Variants in MTMR12 observed in about 807,000 individuals in gnomAD.
MTMR12 encodes myotubularin-related protein 12.
Under a neutral mutation model 96.7 loss-of-function variants are expected in MTMR12, and 33 were observed. The observed-to-expected ratio is 0.34, with a 90% confidence interval of 0.26 to 0.46. The LOEUF is 0.46. MTMR12 is among the 20% of genes least tolerant of loss of function. MTMR12 has a pLI of 1.00. For missense variants in MTMR12, 721 were observed against 896.1 expected, an observed-to-expected ratio of 0.80 and a Z score of 2.49; for synonymous variants, 298 against 327.2, an observed-to-expected ratio of 0.91 and a Z score of 0.96.
At chr5:32,249,940 G>A (rs1158991164) in intron 8 of MTMR12, among the ~76,000 whole-genome samples, 2 of 152,222 alleles carry the variant, frequency 1.3e-5, no homozygotes, top group Non-Finnish European at 2.9e-5. Context: ...CCCTTGCTTT[G>A]CTGACCAAGC....
chr5:32,297,058 G>A (rs6872991), intron 1 of MTMR12, among the ~76,000 whole-genome samples: 15,214 of 145,310 alleles, frequency 0.1, 803 homozygotes, highest in South Asian at 0.14. Flanking sequence ...AGCCGAGATC[G>A]CGCCACTGCA....
At chr5:32,302,576 G>C (rs1372221485) in intron 1 of MTMR12, among the ~76,000 whole-genome samples, 1 of 152,094 alleles carries the variant, frequency 6.6e-6, no homozygotes, top group African/African-American at 2.4e-5. Context: ...AATTAGCCAG[G>C]CATGGTGGCA....
At chr5:32,243,364 C>T (rs547151370) in intron 11 of MTMR12, among the ~76,000 whole-genome samples, 157 bp downstream of exon 11, 7 of 152,202 alleles carry the variant, frequency 4.6e-5, no homozygotes, top group Non-Finnish European at 1.0e-4. Context: ...CAAATGTGCA[C>T]AGAAATAAGT....
chr5:32,249,546 G>C (rs538372409), intron 8 of MTMR12, among the ~76,000 whole-genome samples: 1 of 152,140 alleles, frequency 6.6e-6, no homozygotes, highest in African/African-American at 2.4e-5. Flanking sequence ...TCAGAGCTTC[G>C]TTTCAAAAGG....
rs1382287661 is a variant in MTMR12 at position 32,274,120 on chromosome 5, C to T, written c.145G>A (p.Glu49Lys). ...KEVTLHLLPG[E>K]QLLCEASTVL... is the part of the protein sequence containing the mutation. ...GTGCTGGCTTCACAAAGCAGCTGTT[C>T]ACCTGGTAGAAACCAAAACAGGTCC... The change falls in exon 3 of 16, where the codon GAA becomes AAA. Residue 49 changes from glutamate (E) to lysine (K), a missense_variant and splice_region_variant. Physicochemically the swap from Glu to Lys is moderately conservative, Grantham distance 56 (BLOSUM62 1). Coordinates refer to ENST00000382142, the MANE Select transcript of MTMR12 (RefSeq NM_001040446.3). The T allele has an allele frequency of 6.2e-7, 1 of 1,613,842 alleles. No homozygotes were observed. Among genetic ancestry groups the T allele is most frequent in the Non-Finnish European group, 8.5e-7 (1 of 1,179,960 alleles).
chr5:32,279,368 C>T (rs1750192081), intron 1 of MTMR12, among the ~76,000 whole-genome samples: 1 of 151,890 alleles, frequency 6.6e-6, no homozygotes. Flanking sequence ...TGCAGTGAGC[C>T]ATGACTGCAC....
rs372753281 is a variant in MTMR12, at chr5:32,230,120, G to A, written c.1902C>T (p.Pro634=). 3.8e-5 allele frequency: 62 copies of A among 1,612,254 alleles called. No individual in the cohort carries two copies. Among genetic ancestry groups the A allele is most frequent in the Non-Finnish European group, 5.2e-5 (61 of 1,178,766 alleles). The change falls in exon 16 of 16, where the codon CCC becomes CCT. Residue 634 remains proline (P), a synonymous_variant. Transcript: ENST00000382142. ...HGLLLPHIEG[P]EIKVWAQRYL... The stretch of plus-strand genomic sequence containing the variant: ...AGCGCTGGGCCCAGACTTTGATTTC[G>A]GGCCCCTCGATATGCGGTAACAACA...
chr5:32,308,599 C>G (rs1751446669), intron 1 of MTMR12, among the ~76,000 whole-genome samples: 1 of 151,844 alleles, frequency 6.6e-6, no homozygotes, highest in Non-Finnish European at 1.5e-5. Context: ...CCCTTCCTAC[C>G]TTTATCTTCT....
intron 1 of MTMR12, among the ~76,000 whole-genome samples, chr5:32,284,317 C>CAAAAAAA (rs57597487): frequency 2.1e-5 from 1 of 47,262 alleles, no homozygotes; most frequent in African/African-American, 7.3e-5. Flanking sequence ...GACCCTGTCT[C>CAAAAAAA]AAAAAAAAAA....
In MTMR12 at chr5:32,247,681, T is replaced by A. The variant is rs142563772; in HGVS notation, c.1021+321A>T. On this transcript the variant is annotated intron_variant, in intron 10 of 15. Transcript: ENST00000382142. The stretch of plus-strand genomic sequence containing the variant: ...ATAAATTACTGCAAGTCAACAAATA[T>A]AAATACTACATAGTTCAAAAACTTT... The A allele has an allele frequency of 1.2e-3, 1,127 of 911,812 alleles. 15 individuals are homozygous for A. In the African/African-American group the frequency reaches 0.019, roughly 15 times the overall value. 56.5% of individuals were successfully genotyped at this position (911,812 alleles called of 1,614,324 possible).
intron 1 of MTMR12, among the ~76,000 whole-genome samples, chr5:32,287,853 CT>C (rs1750599214): frequency 6.6e-6 from 1 of 152,102 alleles, no homozygotes; most frequent in African/African-American, 2.4e-5. Flanking sequence ...TACATAATAC[CT>C]TTGACCATAT....
chr5:32,309,467 T>A (rs1055229139), intron 1 of MTMR12, among the ~76,000 whole-genome samples: 1 of 152,020 alleles, frequency 6.6e-6, no homozygotes, highest in Non-Finnish European at 1.5e-5. Context: ...AAACCATCTA[T>A]CTGACAGGGG....
At chr5:32,274,842 A>G (rs1317693109) in intron 2 of MTMR12, among the ~76,000 whole-genome samples, 1 of 152,156 alleles carries the variant, frequency 6.6e-6, no homozygotes, top group East Asian at 1.9e-4. Context: ...CAGCCCCTGG[A>G]GACAGAAAGT....
chr5:32,261,009 G>A (rs1190740559), intron 7 of MTMR12, among the ~76,000 whole-genome samples: 2 of 151,574 alleles, frequency 1.3e-5, no homozygotes, highest in African/African-American at 4.8e-5. Context: ...GAGGCAGGCA[G>A]ATCACTTGAG....
intron 13 of MTMR12, among the ~76,000 whole-genome samples, chr5:32,236,126 T>C (rs1279785832): frequency 6.6e-6 from 1 of 152,166 alleles, no homozygotes; most frequent in Non-Finnish European, 1.5e-5. Flanking sequence ...GGCAGGGCAA[T>C]AGGCTCAGAA....
At chr5:32,253,415 A>G (rs1263039850) in intron 8 of MTMR12, among the ~76,000 whole-genome samples, 2 of 152,210 alleles carry the variant, frequency 1.3e-5, no homozygotes, top group African/African-American at 2.4e-5. Context: ...GGTGATCTAA[A>G]TGTTCCAGTC....
intron 1 of MTMR12, among the ~76,000 whole-genome samples, chr5:32,288,998 G>A (rs1222766164): frequency 1.3e-5 from 2 of 152,170 alleles, no homozygotes; most frequent in African/African-American, 2.4e-5. Flanking sequence ...GCTTGTCTCT[G>A]TATGTCAAAT....
Position 32,238,868 on chromosome 5 carries a change from C to G in MTMR12, c.1344+133G>C, listed in dbSNP as rs909499222. On this transcript the variant is annotated intron_variant, in intron 13 of 15. Coordinates refer to ENST00000382142, the MANE Select transcript of MTMR12 (RefSeq NM_001040446.3). ...CAAAGTCATCACACAATGAAACGAT[C>G]CTAGTTTTCTTAACAAACCTGTTTG... The G allele has an allele frequency of 3.0e-6, 3 of 985,098 alleles. No homozygotes were observed. In the African/African-American group the frequency reaches 4.9e-5, roughly 16 times the overall value. 61.0% of individuals were successfully genotyped at this position (985,098 alleles called of 1,614,324 possible).
intron 7 of MTMR12, among the ~76,000 whole-genome samples, chr5:32,257,276 T>C (rs965141864): frequency 6.6e-6 from 1 of 152,224 alleles, no homozygotes; most frequent in Non-Finnish European, 1.5e-5. Flanking sequence ...GCCATCACTG[T>C]GCTACTGCAC....
Sources: allele counts gnomAD v4.1 joint callset (sites outside exome capture counted in the v4.1 genomes callset), GRCh38; gene constraint gnomAD v4.1.1; transcripts MANE v1.5; gene names NCBI Gene and HGNC (gene_info 2026-07-23, HGNC 2026-07-21).